DDO: variants seen among roughly 807,000 people sequenced by gnomAD.
DDO encodes D-aspartate oxidase.
DDO carries 16 observed loss-of-function variants against 16.8 expected under a neutral mutation model. The ratio of observed to expected loss-of-function variants is 0.95; its 90% confidence interval spans 0.65 to 1.45. The LOEUF is 1.45. DDO is among the 40% of genes most tolerant of loss of function. DDO has a pLI of 0.00. For synonymous variants in DDO, 180 were observed against 167.2 expected, an observed-to-expected ratio of 1.08 and a Z score of -0.59; for missense variants, 429 against 420.3, an observed-to-expected ratio of 1.02 and a Z score of -0.18.
In DDO at chr6:110,392,614, C is replaced by A; in HGVS notation, c.*161G>T. 7.7e-7 allele frequency: 1 copy of A among 1,305,806 alleles called. No individual in the cohort carries two copies. The highest frequency in any genetic ancestry group is 9.7e-7 in the Non-Finnish European group (1 of 1,031,166). The allele number at this position is 1,305,806 out of a possible 1,614,324, so 80.9% of individuals were successfully genotyped here. Reference sequence around the variant, plus strand: ...GCCTCAGCCTCTCAAGTAGCTGGGACTATAGGCATGCCACCGTGCTCAGCT... The same window carrying A: ...GCCTCAGCCTCTCAAGTAGCTGGGAATATAGGCATGCCACCGTGCTCAGCT... On this transcript the variant is annotated 3_prime_UTR_variant, in exon 5 of 5. Transcript: ENST00000368924.
At chr6:110,395,105 A>C (rs549500711) in intron 4 of DDO, among the ~76,000 whole-genome samples, 1 of 152,318 alleles carries the variant, frequency 6.6e-6, no homozygotes, top group African/African-American at 2.4e-5. Context: ...ATATTTGGCC[A>C]AACATACTCC....
chr6:110,391,379 T>C (rs1773096568), downstream of DDO, among the ~76,000 whole-genome samples: 1 of 148,810 alleles, frequency 6.7e-6, no homozygotes, highest in African/African-American at 2.5e-5. Flanking sequence ...AGACGGAGTC[T>C]TGCTCTGTCA....
chr6:110,413,000 A>T (rs1045032515), intron 2 of DDO, among the ~76,000 whole-genome samples: 1 of 152,098 alleles, frequency 6.6e-6, no homozygotes, highest in African/African-American at 2.4e-5. Flanking sequence ...AAAACTAGCC[A>T]GGCATGATGG....
chr6:110,415,404 C>T, intron 1 of DDO, 63 bp downstream of exon 1: 1 of 1,600,900 alleles, frequency 6.2e-7, no homozygotes, highest in Non-Finnish European at 8.5e-7. Context: ...TATTCAGACA[C>T]ACTCCCAAAC....
At chr6:110,413,532 G>C (rs1172009279) in intron 1 of DDO, 66 bp from the exon 2 acceptor site, 2 of 1,555,918 alleles carry the variant, frequency 1.3e-6, no homozygotes, top group Non-Finnish European at 1.7e-6. Flanking sequence ...ACAAAGTTTG[G>C]TCTTGACAGT....
chr6:110,399,838 G>A (rs796998122), intron 4 of DDO, among the ~76,000 whole-genome samples: 46 of 152,332 alleles, frequency 3.0e-4, no homozygotes, highest in African/African-American at 1.0e-3. Flanking sequence ...CCTTCTGTCT[G>A]AGGCACTCAC....
At chr6:110,415,431 G>A (rs777666865) in intron 1 of DDO, 36 bp downstream of exon 1, 1 of 1,612,632 alleles carries the variant, frequency 6.2e-7, no homozygotes, top group Non-Finnish European at 8.5e-7. Flanking sequence ...AGCATGGACG[G>A]AACGACCCCT....
intron 4 of DDO, among the ~76,000 whole-genome samples, chr6:110,395,784 A>T (rs1773269805): frequency 2.0e-5 from 3 of 152,150 alleles, no homozygotes; most frequent in Admixed American, 2.0e-4. Context: ...AGTGATTCTA[A>T]CTTTCCGCCC....
At chr6:110,397,182 C>T (rs1773317751) in intron 4 of DDO, among the ~76,000 whole-genome samples, 1 of 152,136 alleles carries the variant, frequency 6.6e-6, no homozygotes, top group Non-Finnish European at 1.5e-5. Context: ...AACACTGTGT[C>T]TAACACACTA....
At chr6:110,409,444 C>T (rs954253739) in intron 2 of DDO, among the ~76,000 whole-genome samples, 2 of 152,134 alleles carry the variant, frequency 1.3e-5, no homozygotes, top group Non-Finnish European at 2.9e-5. Context: ...AGAGAGGATG[C>T]TAAGTTGGTT....
rs571074611 is a variant in DDO, at chr6:110,401,342, G to A, written c.458+3432C>T. Among the ~76,000 whole-genome samples, 227 of 152,148 alleles carry A rather than the reference G, an allele frequency of 1.5e-3. 1 individual carries two copies. Among genetic ancestry groups the A allele is most frequent in the African/African-American group, 5.3e-3 (219 of 41,492 alleles). On this transcript the variant is annotated intron_variant, in intron 4 of 4. Transcript: ENST00000368924. ...ACTAAATTCATAAATTTAAATTGTG[G>A]CATTGCAGCAGGTTTGTGTTAAGGG...
Position 110,393,265 on chromosome 6 carries a change from A to G in DDO, c.536T>C (p.Val179Ala). The G allele has an allele frequency of 6.2e-7, 1 of 1,614,014 alleles. No homozygotes were observed. The highest frequency in any genetic ancestry group is 8.5e-7 in the Non-Finnish European group (1 of 1,179,930). ...LWELHPSFDI[V>A]VNCSGLGSRQ... The stretch of plus-strand genomic sequence containing the variant: ...GCTTCCAAGGCCTGAACAGTTGACC[A>G]CGATGTCAAAGGACGGATGAAGTTC... The change falls in exon 5 of 5, where the codon GTG becomes GCG. Residue 179 changes from valine to alanine, a missense_variant. Val to Ala is a moderately conservative substitution (Grantham distance 64). Coordinates refer to ENST00000368924, the MANE Select transcript of DDO (RefSeq NM_001372108.2).
rs1773146253 is a variant in DDO, at chr6:110,392,854, C to T, written c.947G>A (p.Gly316Asp). ...HGSGGISVHWGTALEAARLVS... is the reference protein window; with the variant it reads ...HGSGGISVHWDTALEAARLVS... Reference sequence around the variant, plus strand: ...CAGCCTGGCGGCCTCCAGAGCAGTGCCCCAGTGCACTGAGATGCCCCCACT... The same window carrying T: ...CAGCCTGGCGGCCTCCAGAGCAGTGTCCCAGTGCACTGAGATGCCCCCACT... The change falls in exon 5 of 5, where the codon GGC becomes GAC. Residue 316 changes from glycine to aspartate, a missense_variant. Transcript: ENST00000368924. 1 of 1,613,910 alleles carries T rather than the reference C, an allele frequency of 6.2e-7. No individual in the cohort carries two copies. The highest frequency in any genetic ancestry group is 8.5e-7 in the Non-Finnish European group (1 of 1,179,902).
intron 4 of DDO, among the ~76,000 whole-genome samples, chr6:110,401,634 A>T (rs1437874985): frequency 6.6e-6 from 1 of 152,184 alleles, no homozygotes; most frequent in Non-Finnish European, 1.5e-5. Context: ...ATATAAATAC[A>T]TATAGGAAAA....
At chr6:110,398,335 C>T (rs575297179) in intron 4 of DDO, among the ~76,000 whole-genome samples, 2 of 151,736 alleles carry the variant, frequency 1.3e-5, no homozygotes, top group African/African-American at 4.8e-5. Context: ...ATTGAGTTGG[C>T]TGTGCCCCTG....
At position 110,392,663 on chromosome 6, in the gene DDO, T is replaced by C. The variant is rs1024723983; in HGVS notation, c.*112A>G. 12 of 1,409,092 alleles carry C rather than the reference T, an allele frequency of 8.5e-6. No individual in the cohort carries two copies. Among genetic ancestry groups the C allele is most frequent in the Non-Finnish European group, 1.1e-5 (12 of 1,085,374 alleles). 87.3% of individuals were successfully genotyped at this position (1,409,092 alleles called of 1,614,324 possible). A position where few individuals can be genotyped will look rare whatever the true frequency, so the allele number is the denominator to read the frequency against. The stretch of plus-strand genomic sequence containing the variant: ...CTTACATGTTACACCACTTCTAATG[T>C]TGAAAACAAAGAAATGTCTAATTAA... On this transcript the variant is annotated 3_prime_UTR_variant, in exon 5 of 5. Transcript: ENST00000368924.
intron 4 of DDO, among the ~76,000 whole-genome samples, chr6:110,404,533 G>T (rs928818683): frequency 6.6e-6 from 1 of 152,130 alleles, no homozygotes; most frequent in African/African-American, 2.4e-5. Flanking sequence ...AATAAGTCAG[G>T]CATCGAAGTG....
chr6:110,403,542 T>G (rs892972787), intron 4 of DDO, among the ~76,000 whole-genome samples: 1 of 152,190 alleles, frequency 6.6e-6, no homozygotes, highest in South Asian at 2.1e-4. Context: ...TATGGGCTGG[T>G]GAACAAGGCC....
chr6:110,393,708 C>G (rs185957758), intron 4 of DDO, among the ~76,000 whole-genome samples: 1 of 152,092 alleles, frequency 6.6e-6, no homozygotes, highest in African/African-American at 2.4e-5. Flanking sequence ...TATTTAACAC[C>G]TAAATTTACT....
Sources: gnomAD v4.1 joint callset for allele counts (sites outside exome capture counted in the v4.1 genomes callset) on GRCh38, gnomAD v4.1.1 for gene constraint, MANE v1.5 for transcripts, NCBI Gene and HGNC (gene_info 2026-07-23, HGNC 2026-07-21) for gene names.